Variants in CDH8 observed in about 807,000 individuals in gnomAD.
The protein encoded by CDH8 is cadherin-8.
A neutral mutation model predicts 68.1 loss-of-function variants in CDH8; 17 were observed. The ratio of observed to expected loss-of-function variants is 0.25; its 90% CI spans 0.17 to 0.37. The LOEUF is 0.37. Ranked by LOEUF, CDH8 falls within the 10% of genes least tolerant of loss-of-function variation. CDH8 has a pLI of 1.00. For missense variants in CDH8, 763 were observed against 999.3 expected (o/e 0.76, Z 3.19); for synonymous variants, 372 against 365.1 (o/e 1.02, Z -0.21).
chr16:61,733,854 T>A (rs752473526), intron 8 of CDH8, among the ~76,000 whole-genome samples: 77 of 152,018 alleles, frequency 5.1e-4, no homozygotes, highest in Non-Finnish European at 8.5e-4. Flanking sequence ...TCCATAGTTA[T>A]CTACGACCAC....
At chr16:61,703,951 A>T (rs775562126) in intron 10 of CDH8, among the ~76,000 whole-genome samples, 19 of 152,172 alleles carry the variant, frequency 1.2e-4, no homozygotes, top group Non-Finnish European at 2.6e-4. Context: ...AAAAGCCTCA[A>T]ATAAACACCA....
chr16:61,842,307 T>C (rs1242637615), intron 4 of CDH8, among the ~76,000 whole-genome samples: 1 of 152,078 alleles, frequency 6.6e-6, no homozygotes, highest in African/African-American at 2.4e-5. Flanking sequence ...AGGAAGTGAT[T>C]AGGCCATGAG....
chr16:61,712,700 T>G (rs1964653542), intron 10 of CDH8, among the ~76,000 whole-genome samples: 1 of 151,640 alleles, frequency 6.6e-6, no homozygotes, highest in African/African-American at 2.4e-5. Flanking sequence ...GAAAGGGTTT[T>G]GTCTCCTCAG....
chr16:61,884,620 C>T (rs975804675), intron 3 of CDH8, among the ~76,000 whole-genome samples: 6 of 152,192 alleles, frequency 3.9e-5, no homozygotes, highest in Non-Finnish European at 5.9e-5. Flanking sequence ...GTGATCCGCC[C>T]GCCTCAGCAT....
intron 7 of CDH8, among the ~76,000 whole-genome samples, chr16:61,811,599 C>T (rs2142999131): frequency 6.6e-6 from 1 of 152,176 alleles, no homozygotes; most frequent in African/African-American, 2.4e-5. Flanking sequence ...ATTAGCACTC[C>T]TATGTTCATA....
intron 2 of CDH8, among the ~76,000 whole-genome samples, chr16:61,982,365 G>A (rs368893849): frequency 2.6e-5 from 4 of 151,950 alleles, no homozygotes; most frequent in Non-Finnish European, 4.4e-5. Context: ...GACTACAGGC[G>A]CCCGCCACCT....
At chr16:61,778,626 G>A (rs1485631255) in intron 8 of CDH8, among the ~76,000 whole-genome samples, 1 of 152,108 alleles carries the variant, frequency 6.6e-6, no homozygotes, top group African/African-American at 2.4e-5. Flanking sequence ...TCTTAAGATT[G>A]TAGGTAAATT....
Position 61,649,356 on chromosome 16 carries a change from G to A in CDH8, c.*4252C>T, listed in dbSNP as rs1963271492. 6.6e-6 allele frequency: 1 copy of A among 151,702 alleles called. No homozygotes were observed. Among genetic ancestry groups the A allele is most frequent in the Non-Finnish European group, 1.5e-5 (1 of 67,908 alleles). The allele number at this position is 151,702 out of a possible 1,614,324, so 9.4% of individuals were successfully genotyped here. On this transcript the variant is annotated 3_prime_UTR_variant, in exon 12 of 12. Coordinates refer to ENST00000577390, the MANE Select transcript of CDH8 (RefSeq NM_001796.5). ...ATTTGTTGGCAGTGCGTGAGATTAT[G>A]AGATGAAAAATTAAAACTATAAATT...
rs1025028944 is a variant in CDH8 at position 61,653,420 on chromosome 16, A to G, written c.*188T>C. ...TTAATTCACACTCCACAAGATTTAT[A>G]ACCTCCTAACATATACTTTTTTATT... On this transcript the variant is annotated 3_prime_UTR_variant, in exon 12 of 12. Transcript: ENST00000577390. The G allele has an allele frequency of 7.2e-7, 1 of 1,386,602 alleles. No individual in the cohort carries two copies. Among genetic ancestry groups the G allele is most frequent in the Non-Finnish European group, 9.3e-7 (1 of 1,074,014 alleles). The allele number at this position is 1,386,602 out of a possible 1,614,324, so 85.9% of individuals were successfully genotyped here.
At chr16:61,836,516 T>C (rs1395932673) in intron 4 of CDH8, among the ~76,000 whole-genome samples, 3 of 152,098 alleles carry the variant, frequency 2.0e-5, no homozygotes, top group African/African-American at 7.2e-5. Context: ...ACTACATTAT[T>C]GTTGTAATTG....
chr16:61,923,424 A>C (rs1169420065), intron 2 of CDH8, among the ~76,000 whole-genome samples: 2 of 152,064 alleles, frequency 1.3e-5, no homozygotes, highest in African/African-American at 2.4e-5. Flanking sequence ...ATTAATAACC[A>C]ATACAAGTAG....
At chr16:61,824,536 T>C (rs1044884948) in intron 5 of CDH8, among the ~76,000 whole-genome samples, 2 of 151,852 alleles carry the variant, frequency 1.3e-5, no homozygotes, top group Non-Finnish European at 2.9e-5. Flanking sequence ...AGTATGGCTT[T>C]AGCAGGGAAG....
intron 7 of CDH8, among the ~76,000 whole-genome samples, chr16:61,793,231 C>T (rs1389696898): frequency 1.1e-4 from 16 of 151,710 alleles, no homozygotes; most frequent in Admixed American, 9.2e-4. Flanking sequence ...TTCAGAATTT[C>T]GATTAATTCA....
At chr16:61,782,828 C>T (rs556347433) in intron 8 of CDH8, among the ~76,000 whole-genome samples, 41 of 152,262 alleles carry the variant, frequency 2.7e-4, no homozygotes, top group South Asian at 8.3e-4. Context: ...AGCAGGGGCA[C>T]ACTGACACCT....
intron 10 of CDH8, among the ~76,000 whole-genome samples, chr16:61,687,006 A>G (rs985831678): frequency 4.6e-5 from 7 of 151,954 alleles, no homozygotes; most frequent in Non-Finnish European, 1.0e-4. Context: ...CCAAATTCTT[A>G]ATCATACAAC....
intron 2 of CDH8, among the ~76,000 whole-genome samples, chr16:61,949,901 T>C (rs1964862566): frequency 6.6e-6 from 1 of 151,742 alleles, no homozygotes; most frequent in African/African-American, 2.4e-5. Context: ...GGTAGGAAGA[T>C]TGCTTAAACA....
chr16:61,930,282 C>G lies in CDH8; in HGVS notation c.253-28809G>C, dbSNP rs546410974. Among the ~76,000 whole-genome samples the G allele has an allele frequency of 4.6e-5, 7 of 151,758 alleles. No homozygotes were observed. In the East Asian group the frequency reaches 1.4e-3, roughly 30 times the overall value. On this transcript the variant is annotated intron_variant, in intron 2 of 11. Transcript: ENST00000577390. ...ACTAAAGTTAGAAAACACACACACA[C>G]ACACACACACACACACACACACACC...
chr16:61,874,805 G>A (rs1056142322), intron 3 of CDH8, among the ~76,000 whole-genome samples: 5 of 151,952 alleles, frequency 3.3e-5, no homozygotes, highest in African/African-American at 4.8e-5. Context: ...AAGTAATTGC[G>A]GTCATTGCCA....
rs1596833218 is a variant in CDH8 at position 61,654,232 on chromosome 16, A to C, written c.1907-131T>G. 3.0e-5 allele frequency: 22 copies of C among 728,470 alleles called. No homozygotes were observed. The East Asian group carries it at 5.7e-4, about 19-fold the overall frequency. 45.1% of individuals were successfully genotyped at this position (728,470 alleles called of 1,614,324 possible). On this transcript the variant is annotated intron_variant, in intron 11 of 11. Coordinates refer to ENST00000577390, the MANE Select transcript of CDH8 (RefSeq NM_001796.5). ...GCATACACCTTTAATAATATTTACT[A>C]GAAAATTAAGCTAAACATCTTTCTG... is the stretch of plus-strand genomic sequence containing the variant.
Sources: allele counts gnomAD v4.1 joint callset (sites outside exome capture counted in the v4.1 genomes callset), GRCh38; gene constraint gnomAD v4.1.1; transcripts MANE v1.5; gene names NCBI Gene and HGNC (gene_info 2026-07-23, HGNC 2026-07-21).